Variants in MYPN observed in about 807,000 individuals in gnomAD.
MYPN encodes the protein sarcomeric protein myopalladin, 145 kDa (MYOP).
Under a neutral mutation model 129.4 loss-of-function variants are expected in MYPN, and 63 were observed. The observed-to-expected ratio is 0.49, with a 90% confidence interval of 0.40 to 0.60. The LOEUF is 0.60. Ranked by LOEUF, MYPN falls within the 20% of genes least tolerant of loss-of-function variation. The pLI is 0.00. For synonymous variants in MYPN, 629 were observed against 600.9 expected (o/e 1.05, Z -0.68); for missense variants, 1,596 against 1,635.4 (o/e 0.98, Z 0.42).
rs780369235 is a variant in MYPN, at chr10:68,210,583, T to G, written c.*128T>G. The stretch of plus-strand genomic sequence containing the variant: ...ACACTGCTGGACCTGTGGCAAAGAG[T>G]GCTTTGAATAAGTCAGCTAGGGATT... On this transcript the variant is annotated 3_prime_UTR_variant, in exon 20 of 20. Transcript: ENST00000358913. 2.7e-6 allele frequency: 3 copies of G among 1,114,324 alleles called. No homozygotes were observed. Among genetic ancestry groups the G allele is most frequent in the African/African-American group, 3.1e-5 (2 of 65,354 alleles). The allele number at this position is 1,114,324 out of a possible 1,614,324, so 69.0% of individuals were successfully genotyped here. A position where few individuals can be genotyped will look rare whatever the true frequency, so the allele number is the denominator to read the frequency against.
intron 1 of MYPN, among the ~76,000 whole-genome samples, chr10:68,117,688 T>C (rs1169120395): frequency 2.0e-5 from 3 of 152,162 alleles, no homozygotes; most frequent in African/African-American, 7.2e-5. Context: ...TTGGTTTTTC[T>C]TCAAATTTTT....
rs559714230 is a variant in MYPN, at chr10:68,097,898, C to T, written c.-2+9906C>T. On this transcript the variant is annotated intron_variant, in intron 1 of 6. Transcript: ENST00000685154. Reference sequence around the variant, plus strand: ...TTTGTTTTCAAAAGAGGTGATGTCCCTTTCTTAAATTTAGTTCATGTGCAT... The same window carrying T: ...TTTGTTTTCAAAAGAGGTGATGTCCTTTTCTTAAATTTAGTTCATGTGCAT... Among the ~76,000 whole-genome samples the T allele has an allele frequency of 6.6e-5, 10 of 152,150 alleles. No individual in the cohort carries two copies. In the South Asian group the frequency reaches 1.5e-3, roughly 22 times the overall value.
At chr10:68,158,161 G>T in intron 6 of MYPN, 1 of 275,890 alleles carries the variant, frequency 3.6e-6, no homozygotes, top group Non-Finnish European at 6.9e-6. Context: ...GGCTATGCGG[G>T]TGCCCTTTTT....
At position 68,189,768 on chromosome 10, in the gene MYPN, T is replaced by C. The variant is rs1589603390; in HGVS notation, c.2925+642T>C. On this transcript the variant is annotated intron_variant, in intron 13 of 19. Transcript: ENST00000358913. ...CCCATTTTCTTTATGTATTCATTCA[T>C]TGATGGACACATAGGTTGATTCTGT... Among the ~76,000 whole-genome samples, 4 of 152,370 alleles carry C rather than the reference T, an allele frequency of 2.6e-5. No homozygotes were observed. The South Asian group carries it at 6.2e-4, about 24-fold the overall frequency.
intron 1 of MYPN, among the ~76,000 whole-genome samples, chr10:68,115,475 G>A (rs1300231947): frequency 6.6e-6 from 1 of 151,950 alleles, no homozygotes; most frequent in Non-Finnish European, 1.5e-5. Flanking sequence ...AACCGCATTG[G>A]CTCTACTTTT....
At chr10:68,208,119 A>G (rs539112212) in intron 19 of MYPN, among the ~76,000 whole-genome samples, 12 of 152,320 alleles carry the variant, frequency 7.9e-5, no homozygotes, top group African/African-American at 2.9e-4. Flanking sequence ...ATTAACTGGT[A>G]TTTTTAGAGA....
intron 1 of MYPN, among the ~76,000 whole-genome samples, chr10:68,116,771 CAA>C (rs1024870716): frequency 7.2e-5 from 11 of 151,992 alleles, no homozygotes; most frequent in African/African-American, 2.7e-4. Context: ...AAAAAGAAAA[CAA>C]AGCATGATTT....
At chr10:68,196,480 C>CTTTTTT (rs1564695464) in intron 15 of MYPN, among the ~76,000 whole-genome samples, 2 of 81,236 alleles carry the variant, frequency 2.5e-5, no homozygotes, top group Admixed American at 1.4e-4. Context: ...ATACCTTCTT[C>CTTTTTT]TTCTTTTTTT....
intron 5 of MYPN, among the ~76,000 whole-genome samples, chr10:68,149,678 T>C (rs117224884): frequency 2.4e-3 from 366 of 152,312 alleles, no homozygotes; most frequent in Non-Finnish European, 4.1e-3. Context: ...CCAACCCATT[T>C]AGTAGTGCAG....
Position 68,194,405 on chromosome 10 carries a change from G to A in MYPN, c.2968G>A (p.Glu990Lys), listed in dbSNP as rs755507922. Residue 990 changes from glutamate (E) to lysine (K), a missense_variant, in exon 14 of 20, where the codon GAG becomes AAG. Glu to Lys is a moderately conservative substitution (Grantham distance 56). Transcript: ENST00000358913. ...TGGGAAGCAGATTTCTAAGAGAAAT[G>A]AGCACTGCAAAATGAGGCGAGAAGG... is the stretch of plus-strand genomic sequence containing the variant. ...KDGKQISKRN[E>K]HCKMRREGDG... 11 of 1,613,774 alleles carry A rather than the reference G, an allele frequency of 6.8e-6. No homozygotes were observed. The highest frequency in any genetic ancestry group is 8.5e-6 in the Non-Finnish European group (10 of 1,179,820).
intron 2 of MYPN, among the ~76,000 whole-genome samples, chr10:68,141,708 C>G (rs1352204737): frequency 6.6e-6 from 1 of 152,102 alleles, no homozygotes; most frequent in Non-Finnish European, 1.5e-5. Flanking sequence ...ACGAACATAT[C>G]TTATTTCTTG....
Position 68,141,599 on chromosome 10 carries a change from C to G in MYPN, c.903-1341C>G, listed in dbSNP as rs562981120. Among the ~76,000 whole-genome samples, 4 of 152,292 alleles carry G rather than the reference C, an allele frequency of 2.6e-5. No homozygotes were observed. The South Asian group carries it at 8.3e-4, about 32-fold the overall frequency. Reference sequence around the variant, plus strand: ...AAAGGGTACACTGAGCCATCTCACTCCTATCTGTCCTTATCCATCTTGTTT... The same window carrying G: ...AAAGGGTACACTGAGCCATCTCACTGCTATCTGTCCTTATCCATCTTGTTT... On this transcript the variant is annotated intron_variant, in intron 2 of 19. Transcript: ENST00000358913.
intron 12 of MYPN, among the ~76,000 whole-genome samples, chr10:68,184,767 G>C (rs1275950431): frequency 1.3e-5 from 2 of 152,174 alleles, no homozygotes; most frequent in Non-Finnish European, 2.9e-5. Context: ...GGGAGACGAA[G>C]CCTTGGAGCT....
rs771288619 is a variant in MYPN at position 68,210,465 on chromosome 10, G to T, written c.*10G>T. 3.1e-6 allele frequency: 5 copies of T among 1,613,888 alleles called. No homozygotes were observed. The East Asian group carries it at 1.1e-4, about 36-fold the overall frequency. On this transcript the variant is annotated 3_prime_UTR_variant, in exon 20 of 20. Coordinates refer to ENST00000358913, the MANE Select transcript of MYPN (RefSeq NM_032578.4). ...GAGTGATGAACTTTAAGAATGTCTA[G>T]GTACCTGCTGTGTAAGAGAGCGGAC...
intron 13 of MYPN, among the ~76,000 whole-genome samples, chr10:68,193,296 A>G (rs1199001216): frequency 1.3e-5 from 2 of 152,226 alleles, no homozygotes; most frequent in African/African-American, 4.8e-5. Context: ...GAATGAGATC[A>G]TTAAATAGTC....
At position 68,206,995 on chromosome 10, in the gene MYPN, T is replaced by C. The variant is rs2134339372; in HGVS notation, c.3793+92T>C. On this transcript the variant is annotated intron_variant, in intron 19 of 19. Coordinates refer to ENST00000358913, the MANE Select transcript of MYPN (RefSeq NM_032578.4). ...TAAATGGGTCAGGCAAGGTGGCTCA[T>C]GCCTGTAATCCCAGCACTTTGGGAG... 2.0e-6 allele frequency: 3 copies of C among 1,506,188 alleles called. No individual in the cohort carries two copies. The South Asian group carries it at 3.5e-5, about 18-fold the overall frequency. The allele number at this position is 1,506,188 out of a possible 1,614,324, so 93.3% of individuals were successfully genotyped here.
At chr10:68,192,733 T>C (rs1375731601) in intron 13 of MYPN, among the ~76,000 whole-genome samples, 4 of 152,048 alleles carry the variant, frequency 2.6e-5, no homozygotes, top group Admixed American at 6.6e-5. Context: ...TTCTTTGTAG[T>C]TTAGTCTTGG....
intron 5 of MYPN, among the ~76,000 whole-genome samples, chr10:68,149,227 T>TC (rs1321311910): frequency 2.0e-5 from 3 of 151,782 alleles, no homozygotes; most frequent in East Asian, 1.9e-4. Context: ...GTCCTCCCAC[T>TC]CCCCCCCGAA....
chr10:68,116,895 C>T (rs1049446247), intron 1 of MYPN, among the ~76,000 whole-genome samples: 3 of 152,014 alleles, frequency 2.0e-5, no homozygotes, highest in African/African-American at 7.3e-5. Flanking sequence ...CTTTGACCTC[C>T]TTTATCTGTC....
Sources: allele counts gnomAD v4.1 joint callset (sites outside exome capture counted in the v4.1 genomes callset), GRCh38; gene constraint gnomAD v4.1.1; transcripts MANE v1.5; gene names NCBI Gene and HGNC (gene_info 2026-07-23, HGNC 2026-07-21).